Variants in TMEM232 observed in about 807,000 individuals in gnomAD.
TMEM232 encodes transmembrane protein 232.
In TMEM232, 80 loss-of-function variants were observed where a neutral mutation model predicts 78.8. The ratio of observed to expected loss-of-function variants is 1.01; its 90% CI spans 0.85 to 1.22. TMEM232 has a LOEUF of 1.22. Ranked by LOEUF, TMEM232 falls within the 50% of genes most tolerant of loss-of-function variation. The probability of loss-of-function intolerance (pLI) is 0.00; values close to 1 mark genes in which losing one functional copy is unlikely to be tolerated. For missense variants in TMEM232, 881 were observed against 742.2 expected, an observed-to-expected ratio of 1.19 and a Z score of -2.17; for synonymous variants, 297 against 254.3, an observed-to-expected ratio of 1.17 and a Z score of -1.60.
intron 8 of TMEM232, among the ~76,000 whole-genome samples, chr5:110,611,960 T>G (rs937134834): frequency 6.6e-6 from 1 of 152,162 alleles, no homozygotes; most frequent in Admixed American, 6.5e-5. Flanking sequence ...GATGTCTGAT[T>G]TGGTTAGCTG....
intron 12 of TMEM232, among the ~76,000 whole-genome samples, chr5:110,484,079 T>A (rs1764203989): frequency 6.6e-6 from 1 of 152,162 alleles, no homozygotes; most frequent in Non-Finnish European, 1.5e-5. Flanking sequence ...AAGTACCACA[T>A]GTTCTCATAC....
intron 2 of TMEM232, among the ~76,000 whole-genome samples, chr5:110,406,995 T>A (rs1156796645): frequency 6.6e-6 from 1 of 151,954 alleles, no homozygotes; most frequent in African/African-American, 2.4e-5. Flanking sequence ...TGAAATAGAT[T>A]CACTAAAAAT....
At chr5:110,424,154 G>GA (rs543767429) in intron 13 of TMEM232, among the ~76,000 whole-genome samples, 5 of 151,956 alleles carry the variant, frequency 3.3e-5, no homozygotes, top group Non-Finnish European at 7.4e-5. Flanking sequence ...AAAGTAGTGT[G>GA]AAAAAATTAA....
chr5:110,540,522 G>C (rs1772968270), intron 11 of TMEM232, among the ~76,000 whole-genome samples: 2 of 152,166 alleles, frequency 1.3e-5, no homozygotes, highest in African/African-American at 4.8e-5. Flanking sequence ...GATCATTCCT[G>C]CGAGCAGGTC....
intron 7 of TMEM232, among the ~76,000 whole-genome samples, chr5:110,620,770 C>G (rs962930426): frequency 6.7e-6 from 1 of 149,704 alleles, no homozygotes; most frequent in Non-Finnish European, 1.5e-5. Flanking sequence ...TTGACATCAT[C>G]AAGAGGAAAG....
chr5:110,566,641 A>G (rs1315232280), intron 11 of TMEM232, among the ~76,000 whole-genome samples: 2 of 151,900 alleles, frequency 1.3e-5, no homozygotes, highest in African/African-American at 4.8e-5. Context: ...TCTGGACTTC[A>G]TTGTCCACAT....
chr5:110,443,743 C>G (rs1759320388), intron 12 of TMEM232, among the ~76,000 whole-genome samples: 1 of 152,198 alleles, frequency 6.6e-6, no homozygotes. Context: ...CTACGGCGTA[C>G]TACCTGGATA....
chr5:110,580,807 A>G (rs1778120293), intron 10 of TMEM232, among the ~76,000 whole-genome samples: 1 of 151,716 alleles, frequency 6.6e-6, no homozygotes, highest in Non-Finnish European at 1.5e-5. Context: ...ACGTCTTCAC[A>G]AATTCAAGAA....
Position 110,626,492 on chromosome 5 carries a change from A to G in TMEM232, c.602-1059T>C, listed in dbSNP as rs140936485. 6.6e-3 allele frequency among the ~76,000 whole-genome samples: 998 copies of G among 152,016 alleles called. 19 individuals carry two copies. The highest frequency in any genetic ancestry group is 0.022 in the African/African-American group (924 of 41,500). On this transcript the variant is annotated intron_variant, in intron 6 of 13. Coordinates refer to ENST00000455884, the MANE Select transcript of TMEM232 (RefSeq NM_001039763.4). Reference sequence around the variant, plus strand: ...GCTATTACCTTCTGTTCCCACCTCCATGACTTTTTTCATCAAATATAATTC... The same window carrying G: ...GCTATTACCTTCTGTTCCCACCTCCGTGACTTTTTTCATCAAATATAATTC...
upstream of TMEM232, among the ~76,000 whole-genome samples, chr5:110,731,452 AC>A (rs1177140252): frequency 6.6e-6 from 1 of 152,060 alleles, no homozygotes; most frequent in Non-Finnish European, 1.5e-5. Flanking sequence ...TGAGGGCCCC[AC>A]CCCTGCAGCA....
chr5:110,610,233 A>AGG (rs1443317909), intron 8 of TMEM232, among the ~76,000 whole-genome samples: 1 of 24,106 alleles, frequency 4.1e-5, no homozygotes, highest in Non-Finnish European at 1.6e-4. Flanking sequence ...GGAGGGAAAA[A>AGG]GAAAGGAAGG....
chr5:110,416,481 T>C (rs541537248), downstream of TMEM232, among the ~76,000 whole-genome samples: 3 of 152,328 alleles, frequency 2.0e-5, no homozygotes, highest in Admixed American at 6.5e-5. Flanking sequence ...GTGACTTTAA[T>C]TGAGAGTCAC....
At chr5:110,635,228 G>A (rs1291079154) in intron 5 of TMEM232, among the ~76,000 whole-genome samples, 1 of 151,860 alleles carries the variant, frequency 6.6e-6, no homozygotes, top group African/African-American at 2.4e-5. Context: ...AGTACTAGAT[G>A]GGTTCACTGC....
At chr5:110,411,768 G>A (rs1167260562) in intron 2 of TMEM232, among the ~76,000 whole-genome samples, 1 of 152,096 alleles carries the variant, frequency 6.6e-6, no homozygotes, top group African/African-American at 2.4e-5. Flanking sequence ...GTATCAGAAT[G>A]TCTTTTTAAA....
chr5:110,729,838 A>G (rs1322475407), upstream of TMEM232, among the ~76,000 whole-genome samples: 1 of 152,156 alleles, frequency 6.6e-6, no homozygotes, highest in African/African-American at 2.4e-5. Context: ...TTATCCTGTC[A>G]AATCTTCTGT....
At chr5:110,577,055 C>T (rs143038412) in intron 10 of TMEM232, among the ~76,000 whole-genome samples, 200 of 152,132 alleles carry the variant, frequency 1.3e-3, no homozygotes, top group African/African-American at 4.7e-3. Context: ...AACTAAACGG[C>T]TACTGCACAG....
At chr5:110,620,639 CCTCT>C (rs1783575928) in intron 7 of TMEM232, among the ~76,000 whole-genome samples, 1 of 113,056 alleles carries the variant, frequency 8.8e-6, no homozygotes, top group African/African-American at 4.0e-5. Context: ...CTCTCTCTCT[CCTCT>C]CTCCTCTCTC....
chr5:110,540,879 T>C (rs78293609), intron 11 of TMEM232, among the ~76,000 whole-genome samples: 4,451 of 152,272 alleles, frequency 0.029, 181 homozygotes, highest in African/African-American at 0.09. Flanking sequence ...CTATAAAGCA[T>C]GGGCCTGAAA....
At chr5:110,441,095 T>C (rs1211800301) in intron 12 of TMEM232, among the ~76,000 whole-genome samples, 1 of 152,112 alleles carries the variant, frequency 6.6e-6, no homozygotes, top group Admixed American at 6.6e-5. Flanking sequence ...TTCATGGTTC[T>C]TGCCAAAAAA....
Sources: allele counts gnomAD v4.1 joint callset (sites outside exome capture counted in the v4.1 genomes callset), GRCh38; gene constraint gnomAD v4.1.1; transcripts MANE v1.5; gene names NCBI Gene and HGNC (gene_info 2026-07-23, HGNC 2026-07-21).